Variants in EYS observed in about 807,000 individuals in gnomAD.
EYS encodes EGF-like photoreceptor maintenance factor.
EYS carries 250 observed loss-of-function variants against 282.1 expected under a neutral mutation model. The observed-to-expected ratio is 0.89, with a 90% CI of 0.80 to 0.98. EYS has a LOEUF of 0.98. Ranked by LOEUF, EYS falls within the 50% of genes least tolerant of loss-of-function variation. The pLI, the probability that EYS is intolerant of heterozygous loss-of-function variation, is 0.00. For missense variants in EYS, 4,016 were observed against 3,709.0 expected (o/e 1.08, Z -2.15); for synonymous variants, 1,355 against 1,282.9 (o/e 1.06, Z -1.20).
chr6:65,154,612 G>A (rs969624373), intron 12 of EYS, among the ~76,000 whole-genome samples: 4 of 151,522 alleles, frequency 2.6e-5, no homozygotes, highest in Non-Finnish European at 5.9e-5. Flanking sequence ...GGTTATATGA[G>A]CAAAGAGGAA....
chr6:64,688,236 T>C (rs1248194355), intron 22 of EYS, among the ~76,000 whole-genome samples: 4 of 152,084 alleles, frequency 2.6e-5, no homozygotes, highest in Non-Finnish European at 5.9e-5. Flanking sequence ...CAGTTCTGCT[T>C]TGATCTTAGT....
At chr6:65,650,951 G>A (rs1264305505) in intron 1 of EYS, among the ~76,000 whole-genome samples, 1 of 152,040 alleles carries the variant, frequency 6.6e-6, no homozygotes, top group African/African-American at 2.4e-5. Flanking sequence ...TATCACATTA[G>A]TTTGCTTCAG....
intron 16 of EYS, among the ~76,000 whole-genome samples, chr6:64,904,455 G>A (rs1767763928): frequency 6.6e-6 from 1 of 152,048 alleles, no homozygotes; most frequent in Non-Finnish European, 1.5e-5. Context: ...AATCGCCATT[G>A]CTGTTTTCTA....
chr6:65,622,293 C>G (rs760205723), intron 2 of EYS, among the ~76,000 whole-genome samples: 2 of 152,172 alleles, frequency 1.3e-5, no homozygotes, highest in Non-Finnish European at 2.9e-5. Flanking sequence ...ACACTGAAAA[C>G]AGTTGCTCTG....
chr6:65,080,541 TATC>T (rs1209566705), intron 12 of EYS, among the ~76,000 whole-genome samples: 2 of 152,114 alleles, frequency 1.3e-5, no homozygotes, highest in Non-Finnish European at 2.9e-5. Flanking sequence ...TGATATTAGA[TATC>T]ATCATTTGGC....
intron 8 of EYS, among the ~76,000 whole-genome samples, chr6:65,361,098 A>G (rs1355927590): frequency 4.2e-5 from 5 of 119,090 alleles, no homozygotes. Flanking sequence ...ATTCTCAGCA[A>G]ACTATCGCAA....
At chr6:64,282,551 T>C (rs1768345505) in intron 30 of EYS, among the ~76,000 whole-genome samples, 1 of 152,160 alleles carries the variant, frequency 6.6e-6, no homozygotes, top group Non-Finnish European at 1.5e-5. Context: ...CTGCCAGGCT[T>C]TAAGTCTTCC....
At chr6:64,849,645 C>T (rs1383535412) in intron 19 of EYS, among the ~76,000 whole-genome samples, 2 of 151,950 alleles carry the variant, frequency 1.3e-5, no homozygotes, top group African/African-American at 4.8e-5. Flanking sequence ...TTTCTGGAGG[C>T]TCTGGGGAGG....
At chr6:65,563,448 A>C (rs1015721171) in intron 2 of EYS, among the ~76,000 whole-genome samples, 18 of 152,084 alleles carry the variant, frequency 1.2e-4, no homozygotes, top group Admixed American at 1.0e-3. Context: ...CTACATTTTC[A>C]TGTATGATCA....
intron 5 of EYS, among the ~76,000 whole-genome samples, chr6:65,440,665 A>ATT (rs903705830): frequency 6.6e-6 from 1 of 150,668 alleles, no homozygotes; most frequent in Non-Finnish European, 1.5e-5. Flanking sequence ...TGTAAAGCTA[A>ATT]TTTTTTTTGT....
intron 22 of EYS, among the ~76,000 whole-genome samples, chr6:64,652,459 C>T (rs574122410): frequency 6.6e-6 from 1 of 152,248 alleles, no homozygotes; most frequent in Non-Finnish European, 1.5e-5. Flanking sequence ...AAATGGAAAC[C>T]TCAGTCCTAC....
At chr6:64,338,088 C>T (rs1283288529) in intron 29 of EYS, among the ~76,000 whole-genome samples, 1 of 151,966 alleles carries the variant, frequency 6.6e-6, no homozygotes, top group Non-Finnish European at 1.5e-5. Context: ...GATACCCACT[C>T]TCACCTCTCC....
intron 14 of EYS, among the ~76,000 whole-genome samples, chr6:64,963,960 T>G (rs371153160): frequency 1.3e-5 from 2 of 152,170 alleles, no homozygotes; most frequent in Non-Finnish European, 2.9e-5. Context: ...AAAACACACA[T>G]GAATACACTA....
intron 33 of EYS, among the ~76,000 whole-genome samples, chr6:64,012,858 A>T (rs537713116): frequency 6.6e-6 from 1 of 152,322 alleles, no homozygotes; most frequent in East Asian, 1.9e-4. Flanking sequence ...CACTGTTTTT[A>T]AAAAGCATCC....
intron 1 of EYS, among the ~76,000 whole-genome samples, chr6:65,644,418 T>C (rs1202969338): frequency 6.6e-6 from 1 of 152,208 alleles, no homozygotes; most frequent in East Asian, 1.9e-4. Context: ...TGGGACTATG[T>C]TAAGCATTCA....
At chr6:64,468,686 T>C (rs1258638912) in intron 26 of EYS, among the ~76,000 whole-genome samples, 1 of 152,218 alleles carries the variant, frequency 6.6e-6, no homozygotes, top group Non-Finnish European at 1.5e-5. Flanking sequence ...TCCTGGTGTC[T>C]GCTGTTCCTT....
At position 65,490,588 on chromosome 6, in the gene EYS, T is replaced by G. The variant is rs982768996; in HGVS notation, c.862+6A>C. The G allele has an allele frequency of 6.5e-7, 1 of 1,545,848 alleles. No homozygotes were observed. Among genetic ancestry groups the G allele is most frequent in the Non-Finnish European group, 8.9e-7 (1 of 1,118,620 alleles). On this transcript the variant is annotated splice_donor_region_variant and intron_variant, in intron 5 of 42. Transcript: ENST00000503581. ...GTATATGGTTGTATACATATGCATT[T>G]TTTACCTGAAAATTGCTCATCACAT...
chr6:64,836,623 T>C (rs892660203), intron 19 of EYS, among the ~76,000 whole-genome samples: 6 of 151,528 alleles, frequency 4.0e-5, no homozygotes, highest in Non-Finnish European at 7.4e-5. Flanking sequence ...AGATAAAAAT[T>C]TTCTATTGAA....
chr6:63,877,731 G>A (rs994664558), intron 35 of EYS, among the ~76,000 whole-genome samples: 2 of 151,798 alleles, frequency 1.3e-5, no homozygotes, highest in Non-Finnish European at 2.9e-5. Flanking sequence ...ATCTTCAGTC[G>A]CTGTTACCCT....
Sources: gnomAD v4.1 joint callset for allele counts (sites outside exome capture counted in the v4.1 genomes callset) on GRCh38, gnomAD v4.1.1 for gene constraint, MANE v1.5 for transcripts, NCBI Gene and HGNC (gene_info 2026-07-23, HGNC 2026-07-21) for gene names.